The following KCNIP4 variants were observed in gnomAD, a reference collection of about 807,000 sequenced individuals.
KCNIP4 encodes the protein Kv channel-interacting protein 4.
Under a neutral mutation model 34.0 loss-of-function variants are expected in KCNIP4, and 12 were observed. The ratio of observed to expected loss-of-function variants is 0.35; its 90% CI spans 0.23 to 0.57. The LOEUF (loss-of-function observed/expected upper bound fraction) is 0.57. Ranked by LOEUF, KCNIP4 falls within the 20% of genes least tolerant of loss-of-function variation. The pLI is 0.83. For synonymous variants in KCNIP4, 124 were observed against 102.2 expected (o/e 1.21, Z -1.29); for missense variants, 238 against 311.7 (o/e 0.76, Z 1.78).
chr4:20,964,422 G>C (rs1734142695), intron 1 of KCNIP4, among the ~76,000 whole-genome samples: 1 of 152,078 alleles, frequency 6.6e-6, no homozygotes, highest in Non-Finnish European at 1.5e-5. Flanking sequence ...ATTCTTTATG[G>C]GTGCAATCCA....
chr4:21,187,847 T>A (rs1755356008), intron 1 of KCNIP4, among the ~76,000 whole-genome samples: 1 of 152,158 alleles, frequency 6.6e-6, no homozygotes, highest in South Asian at 2.1e-4. Flanking sequence ...CCAGGCTGGC[T>A]CGAAATTAGC....
chr4:21,505,450 T>C (rs1469889665), intron 1 of KCNIP4, among the ~76,000 whole-genome samples: 1 of 152,202 alleles, frequency 6.6e-6, no homozygotes, highest in Non-Finnish European at 1.5e-5. Context: ...TATTGAACTA[T>C]TCTAGTTTTC....
At chr4:21,633,651 A>G (rs1423948484) in intron 1 of KCNIP4, among the ~76,000 whole-genome samples, 1 of 152,142 alleles carries the variant, frequency 6.6e-6, no homozygotes, top group Non-Finnish European at 1.5e-5. Flanking sequence ...AGCATTTATC[A>G]AACATTTTAG....
chr4:21,270,414 A>G (rs1003607058), intron 1 of KCNIP4, among the ~76,000 whole-genome samples: 3 of 152,196 alleles, frequency 2.0e-5, no homozygotes, highest in Admixed American at 6.5e-5. Flanking sequence ...GTTGGTAGGT[A>G]GTAACGTAAA....
At chr4:20,916,382 A>C in intron 1 of KCNIP4, 1 of 982,268 alleles carries the variant, frequency 1.0e-6, no homozygotes, top group Non-Finnish European at 1.2e-6. Context: ...GATGTGGCCT[A>C]TTTTTCTCAT....
At chr4:21,001,440 A>G (rs1235402040) in intron 1 of KCNIP4, among the ~76,000 whole-genome samples, 7 of 152,288 alleles carry the variant, frequency 4.6e-5, no homozygotes, top group Admixed American at 4.6e-4. Context: ...GGGTGATAAG[A>G]TGGATTTGGC....
chr4:21,743,047 G>A (rs979102125), intron 1 of KCNIP4, among the ~76,000 whole-genome samples: 12 of 152,156 alleles, frequency 7.9e-5, no homozygotes, highest in African/African-American at 2.9e-4. Flanking sequence ...TGGATCTGTA[G>A]AGATATAATC....
intron 1 of KCNIP4, among the ~76,000 whole-genome samples, chr4:21,353,180 A>C (rs1718193712): frequency 6.6e-6 from 1 of 152,192 alleles, no homozygotes; most frequent in African/African-American, 2.4e-5. Context: ...AAAACCACAA[A>C]GATGGGGAGA....
intron 1 of KCNIP4, among the ~76,000 whole-genome samples, chr4:20,999,414 G>GTTTTTTTTTTTT (rs5856594): frequency 3.1e-5 from 3 of 95,342 alleles, no homozygotes; most frequent in African/African-American, 1.4e-4. Flanking sequence ...TTGTGGTGGT[G>GTTTTTTTTTTTT]TTTTTTTTTT....
intron 1 of KCNIP4, among the ~76,000 whole-genome samples, chr4:20,994,845 C>T (rs1336813793): frequency 6.6e-6 from 1 of 152,158 alleles, no homozygotes; most frequent in Non-Finnish European, 1.5e-5. Flanking sequence ...GTGTGCAATG[C>T]TCTGAACATG....
intron 1 of KCNIP4, among the ~76,000 whole-genome samples, chr4:21,721,481 C>T (rs749792868): frequency 2.0e-5 from 3 of 152,132 alleles, no homozygotes; most frequent in Non-Finnish European, 2.9e-5. Context: ...ACCTTAAATG[C>T]TACACTTTAC....
At chr4:21,802,137 T>C (rs1183140187) in intron 1 of KCNIP4, among the ~76,000 whole-genome samples, 1 of 152,054 alleles carries the variant, frequency 6.6e-6, no homozygotes, top group African/African-American at 2.4e-5. Context: ...CTGTTGCCTG[T>C]CTTACAAATC....
chr4:21,917,541 T>C (rs1728703973), intron 1 of KCNIP4, among the ~76,000 whole-genome samples: 1 of 152,104 alleles, frequency 6.6e-6, no homozygotes, highest in African/African-American at 2.4e-5. Flanking sequence ...AAAAAAGGCT[T>C]AGAGAAGTTA....
intron 1 of KCNIP4, among the ~76,000 whole-genome samples, chr4:21,079,681 T>G (rs1166487682): frequency 6.6e-6 from 1 of 151,852 alleles, no homozygotes; most frequent in Non-Finnish European, 1.5e-5. Flanking sequence ...TAAATGGAAT[T>G]AAGGTTGCTA....
intron 1 of KCNIP4, among the ~76,000 whole-genome samples, chr4:21,646,083 G>A (rs544473742): frequency 6.6e-6 from 1 of 152,064 alleles, no homozygotes; most frequent in Non-Finnish European, 1.5e-5. Flanking sequence ...GAATCATAAA[G>A]AGCGTATCAC....
intron 1 of KCNIP4, among the ~76,000 whole-genome samples, chr4:21,545,352 C>G (rs932705462): frequency 6.6e-6 from 1 of 152,174 alleles, no homozygotes; most frequent in African/African-American, 2.4e-5. Context: ...CTGCTCTGCC[C>G]ATGGAGTAGC....
chr4:21,019,275 C>G lies in KCNIP4; in HGVS notation c.62-136566G>C, dbSNP rs376473664. On this transcript the variant is annotated intron_variant, in intron 1 of 8. Transcript: ENST00000382152. Reference sequence around the variant, plus strand: ...GGTTCAAGCAATTCCCCTGTCTCAACTTCCTGAGTAGCTGGGATTACAGGC... The same window carrying G: ...GGTTCAAGCAATTCCCCTGTCTCAAGTTCCTGAGTAGCTGGGATTACAGGC... Among the ~76,000 whole-genome samples the G allele has an allele frequency of 1.9e-3, 286 of 152,102 alleles. 6 individuals are homozygous for G. The South Asian group carries it at 0.053, about 28-fold the overall frequency.
intron 1 of KCNIP4, among the ~76,000 whole-genome samples, chr4:21,533,553 G>A (rs1736894712): frequency 6.6e-6 from 1 of 152,102 alleles, no homozygotes; most frequent in Admixed American, 6.6e-5. Flanking sequence ...AAGGTATCAT[G>A]ATCAAGGATA....
At chr4:21,845,399 T>G (rs1349633940) in intron 1 of KCNIP4, 5 of 152,118 alleles carry the variant, frequency 3.3e-5, no homozygotes, top group Non-Finnish European at 5.9e-5. Context: ...CTTGTAACTT[T>G]TATCAACCAT....
Sources: gnomAD v4.1 joint callset for allele counts (sites outside exome capture counted in the v4.1 genomes callset) on GRCh38, gnomAD v4.1.1 for gene constraint, MANE v1.5 for transcripts, NCBI Gene and HGNC (gene_info 2026-07-23, HGNC 2026-07-21) for gene names.